Variants in TDRKH observed in about 807,000 individuals in gnomAD.
TDRKH encodes tudor and KH domain containing.
In TDRKH, 28 loss-of-function variants were observed where a neutral mutation model predicts 61.3. That is an observed-to-expected ratio of 0.46 (90% CI 0.34 to 0.63). The LOEUF (loss-of-function observed/expected upper bound fraction) is 0.63. Ranked by LOEUF, TDRKH falls within the 20% of genes least tolerant of loss-of-function variation. The pLI is 0.01. For missense variants in TDRKH, 540 were observed against 683.4 expected (o/e 0.79, Z 2.34); for synonymous variants, 219 against 244.4 (o/e 0.90, Z 0.97).
chr1:151,782,815 T>C, intron 2 of TDRKH, 84 bp downstream of exon 2: 1 of 1,456,186 alleles, frequency 6.9e-7, no homozygotes, highest in Non-Finnish European at 9.1e-7. Flanking sequence ...ACACAATACC[T>C]GGCAAGGAAA....
chr1:151,775,948 TCAGA>T, intron 8 of TDRKH, 64 bp from the exon 9 acceptor site: 2 of 1,592,570 alleles, frequency 1.3e-6, no homozygotes, highest in Non-Finnish European at 1.7e-6. Context: ...ATTGCTGCTT[TCAGA>T]AAGAACCAAC....
intron 4 of TDRKH, among the ~76,000 whole-genome samples, chr1:151,779,498 C>T (rs1047099635): frequency 6.6e-6 from 1 of 152,308 alleles, no homozygotes; most frequent in Non-Finnish European, 1.5e-5. Flanking sequence ...ATTTTGACCA[C>T]TCAGCATGGC....
At chr1:151,766,794 C>T (rs1648373736), downstream of TDRKH, 2 of 1,591,214 alleles carry the variant, frequency 1.3e-6, no homozygotes, top group Non-Finnish European at 1.7e-6. Flanking sequence ...ACGTAACTAC[C>T]TCTACCCGAT....
At position 151,778,762 on chromosome 1, in the gene TDRKH, C is replaced by A; in HGVS notation, c.806G>T (p.Gly269Val). 1.9e-6 allele frequency: 3 copies of A among 1,614,206 alleles called. No individual in the cohort carries two copies. The highest frequency in any genetic ancestry group is 2.5e-6 in the Non-Finnish European group (3 of 1,180,044). ...GDMAVVVSKE[G>V]SWEKPSDDSF... ...GTCATCACTAGGTTTCTCCCAGGAACCTTCCTTTGACACTACCACAGCCAT... is the reference window on the plus strand; with the variant it reads ...GTCATCACTAGGTTTCTCCCAGGAAACTTCCTTTGACACTACCACAGCCAT... Residue 269 changes from glycine (G) to valine (V), a missense_variant, in exon 6 of 13, where the codon GGT becomes GTT. By Grantham distance (109) the Gly-to-Val change is moderately radical. Transcript: ENST00000368824.
chr1:151,776,119 T>A lies in TDRKH; in HGVS notation c.1194A>T (p.Pro398=). The change falls in exon 8 of 13, where the codon CCA becomes CCT. Residue 398 remains proline, a synonymous_variant. Transcript: ENST00000368824. ...FVDFGDNGDC[P]LKDLRALRSD... ...ACCTGAGAGCCCTGAGGTCCTTCAG[T>A]GGGCAATCTCCATTATCTCCAAAGT... 1.2e-6 allele frequency: 2 copies of A among 1,613,894 alleles called. No homozygotes were observed. The highest frequency in any genetic ancestry group is 3.3e-4 in the Middle Eastern group (2 of 6,050).
intron 1 of TDRKH, among the ~76,000 whole-genome samples, chr1:151,787,561 A>G (rs912273752): frequency 3.9e-5 from 6 of 152,134 alleles, no homozygotes; most frequent in African/African-American, 1.4e-4. Flanking sequence ...GCTTGTTTCC[A>G]TTATTAATGC....
chr1:151,781,700 T>C (rs889785905), intron 2 of TDRKH, 113 bp from the exon 3 acceptor site: 16 of 872,406 alleles, frequency 1.8e-5, no homozygotes, highest in Non-Finnish European at 2.7e-5. Flanking sequence ...AGAGATAAAG[T>C]GAGGATCTCA....
downstream of TDRKH, among the ~76,000 whole-genome samples, chr1:151,769,907 C>T (rs1292034797): frequency 1.3e-5 from 2 of 151,450 alleles, no homozygotes; most frequent in Non-Finnish European, 2.9e-5. Context: ...ACCCCGTCTC[C>T]ACCAAAATAC....
At chr1:151,772,486 C>A (rs1047253828), downstream of TDRKH, among the ~76,000 whole-genome samples, 1 of 151,882 alleles carries the variant, frequency 6.6e-6, no homozygotes, top group Non-Finnish European at 1.5e-5. Flanking sequence ...GTTACTAATC[C>A]CTAAATTTAA....
intron 1 of TDRKH, among the ~76,000 whole-genome samples, chr1:151,789,351 T>A (rs1280375384): frequency 1.3e-5 from 2 of 152,186 alleles, no homozygotes; most frequent in Non-Finnish European, 2.9e-5. Context: ...TATAAGTTTC[T>A]CTTAAAGAGA....
downstream of TDRKH, chr1:151,771,008 T>C: frequency 6.7e-7 from 1 of 1,501,894 alleles, no homozygotes. Flanking sequence ...GTGGAAGAAA[T>C]CAAATCTGGG....
At chr1:151,767,631 C>T, downstream of TDRKH, 1 of 303,784 alleles carries the variant, frequency 3.3e-6, no homozygotes, top group Non-Finnish European at 6.0e-6. Flanking sequence ...AACTTGCCCA[C>T]ATATCATATT....
downstream of TDRKH, among the ~76,000 whole-genome samples, chr1:151,768,818 C>T (rs1648469840): frequency 6.6e-6 from 1 of 152,152 alleles, no homozygotes; most frequent in Non-Finnish European, 1.5e-5. Flanking sequence ...CTGCGGCCTT[C>T]CGCAGTGTTT....
At chr1:151,775,928 A>G (rs778318136) in intron 8 of TDRKH, 44 bp from the exon 9 acceptor site, 1 of 1,600,650 alleles carries the variant, frequency 6.2e-7, no homozygotes, top group Admixed American at 1.7e-5. Context: ...GGCCAAAAAC[A>G]TCTTCTTACA....
chr1:151,778,598 C>A, intron 6 of TDRKH, 87 bp downstream of exon 6: 1 of 1,590,298 alleles, frequency 6.3e-7, no homozygotes, highest in Non-Finnish European at 8.6e-7. Context: ...GCTGCTCAGA[C>A]TGAGAAGGCA....
downstream of TDRKH, chr1:151,768,077 TG>T (rs748785632): frequency 1.2e-6 from 2 of 1,613,900 alleles, no homozygotes; most frequent in African/African-American, 2.7e-5. Context: ...TTGACGGTGC[TG>T]GCTACTGACC....
At chr1:151,767,087 A>G, downstream of TDRKH, 1 of 1,559,838 alleles carries the variant, frequency 6.4e-7, no homozygotes, top group Non-Finnish European at 8.7e-7. Flanking sequence ...ACAGAAGATC[A>G]TGCCAGAGCC....
chr1:151,770,859 A>G (rs1475524847), downstream of TDRKH, among the ~76,000 whole-genome samples: 1 of 152,166 alleles, frequency 6.6e-6, no homozygotes, highest in African/African-American at 2.4e-5. Context: ...TATAAATGGA[A>G]AATTCTATAG....
downstream of TDRKH, chr1:151,768,046 C>T (rs749433085): frequency 1.2e-6 from 2 of 1,613,862 alleles, no homozygotes; most frequent in South Asian, 2.2e-5. Context: ...AGCATTTTTA[C>T]TCCTTTTCCA....
Sources: gnomAD v4.1 joint callset for allele counts (sites outside exome capture counted in the v4.1 genomes callset) on GRCh38, gnomAD v4.1.1 for gene constraint, MANE v1.5 for transcripts, NCBI Gene and HGNC (gene_info 2026-07-23, HGNC 2026-07-21) for gene names.